The following SPTBN5 variants were observed in gnomAD, a reference collection of about 807,000 sequenced individuals.
SPTBN5 encodes the protein spectrin beta, non-erythrocytic 5.
Under a neutral mutation model 477.6 loss-of-function variants are expected in SPTBN5, and 513 were observed. The ratio of observed to expected loss-of-function variants is 1.07; its 90% CI spans 1.00 to 1.16. SPTBN5 has a LOEUF of 1.16. Among genes scored for constraint, SPTBN5 ranks in the 50% most tolerant of loss-of-function variants. The pLI is 0.00. For synonymous variants in SPTBN5, 2,169 were observed against 2,011.7 expected (o/e 1.08, Z -2.09); for missense variants, 5,062 against 4,731.8 (o/e 1.07, Z -2.05).
chr15:41,877,186 C>A lies in SPTBN5; in HGVS notation c.3641G>T (p.Gly1214Val). The A allele has an allele frequency of 6.2e-7, 1 of 1,614,004 alleles. No individual in the cohort carries two copies. Among genetic ancestry groups the A allele is most frequent in the African/African-American group, 1.3e-5 (1 of 75,056 alleles). Residue 1214 changes from glycine (G) to valine (V), a missense_variant, in exon 18 of 68, where the codon GGC (glycine) becomes GTC (valine). Physicochemically the swap from Gly to Val is moderately radical, Grantham distance 109. Coordinates refer to ENST00000320955, the MANE Select transcript of SPTBN5 (RefSeq NM_016642.4). ...GGCAGTGAAACCATCCACTTCTCGG[C>A]CAAACTTCTGCAGCTCCAGCCCCTC... Reference protein sequence around the residue: ...LQEGLELQKFGREVDGFTATC... With the variant: ...LQEGLELQKFVREVDGFTATC...
At position 41,852,174 on chromosome 15, in the gene SPTBN5, A is replaced by T; in HGVS notation, c.10584+8T>A. The T allele has an allele frequency of 6.3e-7, 1 of 1,581,320 alleles. No homozygotes were observed. The highest frequency in any genetic ancestry group is 8.6e-7 in the Non-Finnish European group (1 of 1,159,488). ...CGGGGGTGCCTGCAGCCCCATAGGG[A>T]CACCTGCCTGGGGGTCCCTCGTCTC... On this transcript the variant is annotated splice_region_variant and intron_variant, in intron 62 of 67. Coordinates refer to ENST00000320955, the MANE Select transcript of SPTBN5 (RefSeq NM_016642.4).
chr15:41,856,309 C>G, intron 53 of SPTBN5, 77 bp downstream of exon 53: 2 of 1,331,852 alleles, frequency 1.5e-6, no homozygotes, highest in Non-Finnish European at 2.0e-6. Context: ...AGGCCAGGAG[C>G]CCCGGAGTGA....
At chr15:41,890,017 C>A in intron 4 of SPTBN5, 72 bp downstream of exon 4, 1 of 943,862 alleles carries the variant, frequency 1.1e-6, no homozygotes, top group Non-Finnish European at 1.7e-6. Context: ...ACTTATGAAT[C>A]CCCAGGGGTC....
At chr15:41,883,558 G>C in intron 7 of SPTBN5, 72 bp from the exon 8 acceptor site, 1 of 1,557,712 alleles carries the variant, frequency 6.4e-7, no homozygotes, top group Non-Finnish European at 8.7e-7. Flanking sequence ...TTCCTGGTCT[G>C]TGGTGGGGCT....
Position 41,880,230 on chromosome 15 carries a change from T to C in SPTBN5, c.2741A>G (p.Lys914Arg), listed in dbSNP as rs1451218968. Residue 914 changes from lysine to arginine, a missense_variant, in exon 14 of 68, where the codon AAG becomes AGG. Transcript: ENST00000320955. ...CACCCTTTGGAGCAGCACTGTCTGC[T>C]TCTCCAGCCACAACTGGAGCTCCCC... is the stretch of plus-strand genomic sequence containing the variant. ...SCGELQLWLE[K>R]QTVLLQRVQP... The C allele has an allele frequency of 6.2e-7, 1 of 1,603,056 alleles. No homozygotes were observed. The highest frequency in any genetic ancestry group is 8.5e-7 in the Non-Finnish European group (1 of 1,175,942).
chr15:41,872,224 T>C, intron 27 of SPTBN5, 78 bp downstream of exon 27: 1 of 1,515,626 alleles, frequency 6.6e-7, no homozygotes, highest in African/African-American at 1.4e-5. Flanking sequence ...CTGATTGACT[T>C]TGGGCCATGG....
At chr15:41,855,871 G>A in intron 53 of SPTBN5, 126 bp from the exon 54 acceptor site, 3 of 1,023,306 alleles carry the variant, frequency 2.9e-6, no homozygotes, top group Non-Finnish European at 4.1e-6. Context: ...CCTCAGCCTG[G>A]CCCCACTCCT....
intron 3 of SPTBN5, among the ~76,000 whole-genome samples, chr15:41,892,044 G>T (rs1250046803): frequency 1.3e-5 from 2 of 152,304 alleles, no homozygotes; most frequent in East Asian, 3.9e-4. Context: ...GCAGCTGGCA[G>T]CGTTCTGCTC....
rs907423435 is a variant in SPTBN5, at chr15:41,879,585, A to G, written c.2943-86T>C. On this transcript the variant is annotated intron_variant, in intron 15 of 67. Coordinates refer to ENST00000320955, the MANE Select transcript of SPTBN5 (RefSeq NM_016642.4). ...CTTGGCCAGAGCCTCACGTGACAGAAGCTGCCAGACTGGCTGTCCCTTGCC... is the reference window on the plus strand; with the variant it reads ...CTTGGCCAGAGCCTCACGTGACAGAGGCTGCCAGACTGGCTGTCCCTTGCC... 9 of 1,530,940 alleles carry G rather than the reference A, an allele frequency of 5.9e-6. No homozygotes were observed. The African/African-American group carries it at 8.2e-5, about 14-fold the overall frequency. The allele number at this position is 1,530,940 out of a possible 1,614,324, so 94.8% of individuals were successfully genotyped here.
rs781108527 is a variant in SPTBN5, at chr15:41,883,236, G to C, written c.1660-8C>G. Reference sequence around the variant, plus strand: ...GGTGGACCTGGCCGGCTCCTGGCCAGAGATGATGGTCATTGCAGTGGTCCC... The same window carrying C: ...GGTGGACCTGGCCGGCTCCTGGCCACAGATGATGGTCATTGCAGTGGTCCC... On this transcript the variant is annotated splice_region_variant and splice_polypyrimidine_tract_variant and intron_variant, in intron 8 of 67. Transcript: ENST00000320955. 2.6e-5 allele frequency: 42 copies of C among 1,608,294 alleles called. No individual in the cohort carries two copies. The highest frequency in any genetic ancestry group is 2.6e-5 in the Non-Finnish European group (31 of 1,177,562).
chr15:41,860,626 C>T lies in SPTBN5; in HGVS notation c.7948G>A (p.Ala2650Thr), dbSNP rs548869517. The change falls in exon 47 of 68, where the codon GCC becomes ACC. Residue 2650 changes from alanine to threonine, a missense_variant. Ala to Thr is a moderately conservative substitution (Grantham distance 58). Coordinates refer to ENST00000320955, the MANE Select transcript of SPTBN5 (RefSeq NM_016642.4). ...RGLHQGGHPE[A>T]QSALGRCQAM... ...TGGCACCTGCCCAGGGCACTCTGGG[C>T]CTCGGGGTGCCCACCCTGGTGCAGG... 5.3e-6 allele frequency: 8 copies of T among 1,523,412 alleles called. No homozygotes were observed. In the East Asian group the frequency reaches 1.0e-4, roughly 19 times the overall value. The allele number at this position is 1,523,412 out of a possible 1,614,324, so 94.4% of individuals were successfully genotyped here. A position where few individuals can be genotyped will look rare whatever the true frequency, so the allele number is the denominator to read the frequency against.
chr15:41,880,911 C>T, intron 13 of SPTBN5, 123 bp downstream of exon 13: 1 of 841,826 alleles, frequency 1.2e-6, no homozygotes, highest in Admixed American at 2.6e-5. Context: ...ATCTTCTCAG[C>T]CATGATAAAA....
intron 56 of SPTBN5, among the ~76,000 whole-genome samples, chr15:41,854,450 G>A (rs1372752960): frequency 2.0e-5 from 3 of 152,116 alleles, no homozygotes; most frequent in Non-Finnish European, 4.4e-5. Context: ...CTCAGGGAAA[G>A]GCAGACGCGA....
chr15:41,861,927 G>A lies in SPTBN5; in HGVS notation c.7549-4C>T. ...CTGTCCAGGAGTCCAGCTCGGCCTG[G>A]AACAGGACTGGGCTCAGATCACTGG... is the stretch of plus-strand genomic sequence containing the variant. On this transcript the variant is annotated splice_polypyrimidine_tract_variant and splice_region_variant and intron_variant, in intron 44 of 67. Coordinates refer to ENST00000320955, the MANE Select transcript of SPTBN5 (RefSeq NM_016642.4). 1 of 1,597,410 alleles carries A rather than the reference G, an allele frequency of 6.3e-7. No individual in the cohort carries two copies. Among genetic ancestry groups the A allele is most frequent in the Non-Finnish European group, 8.5e-7 (1 of 1,175,814 alleles).
chr15:41,892,657 C>T (rs1028833575), intron 3 of SPTBN5: 9 of 490,106 alleles, frequency 1.8e-5, no homozygotes, highest in African/African-American at 1.8e-4. Context: ...ACATTTTCCA[C>T]CCCAGTAGGG....
chr15:41,858,654 T>G lies in SPTBN5; in HGVS notation c.8174A>C (p.Asn2725Thr), dbSNP rs770040758. The G allele has an allele frequency of 6.2e-7, 1 of 1,611,586 alleles. No homozygotes were observed. Among genetic ancestry groups the G allele is most frequent in the Admixed American group, 1.7e-5 (1 of 59,798 alleles). Residue 2725 changes from asparagine (N) to threonine (T), a missense_variant, in exon 49 of 68, where the codon AAT (asparagine) becomes ACT (threonine). Coordinates refer to ENST00000320955, the MANE Select transcript of SPTBN5 (RefSeq NM_016642.4). ...GCTCGCGTCCAGCTCCGCCTGGAAA[T>G]TCTGCTGCTTCTGTAACTGTGCTGG... ...MLPAQLQKQQNFQAELDASMH... is the reference protein window; with the variant it reads ...MLPAQLQKQQTFQAELDASMH...
At position 41,887,563 on chromosome 15, in the gene SPTBN5, G is replaced by A. The variant is rs777310835; in HGVS notation, c.660-122C>T. The A allele has an allele frequency of 2.8e-4, 223 of 806,190 alleles. 1 individual carries two copies. The highest frequency in any genetic ancestry group is 3.8e-4 in the Non-Finnish European group (193 of 502,470). 49.9% of individuals were successfully genotyped at this position (806,190 alleles called of 1,614,324 possible). On this transcript the variant is annotated intron_variant, in intron 5 of 67. Coordinates refer to ENST00000320955, the MANE Select transcript of SPTBN5 (RefSeq NM_016642.4). ...CATCTTCTTGTGAATTCGTTTTCCC[G>A]ACAGTTATCTGAGGCCCTGTTGAAG... is the stretch of plus-strand genomic sequence containing the variant.
rs1351488820 is a variant in SPTBN5 at position 41,866,110 on chromosome 15, C to T, written c.6750G>A (p.Glu2250=). The change falls in exon 38 of 68, where the codon GAG becomes GAA. Residue 2250 remains glutamate, a synonymous_variant. Transcript: ENST00000320955. The part of the protein sequence containing the change: ...LRQAMALRGQ[E]LEDRRNFLEF... The stretch of plus-strand genomic sequence containing the variant: ...CCAGGAAGTTCCGCCTGTCCTCCAG[C>T]TCCTGGCCCCTGAGGGCCATTGCCT... The T allele has an allele frequency of 6.4e-7, 1 of 1,557,730 alleles. No homozygotes were observed. Among genetic ancestry groups the T allele is most frequent in the Admixed American group, 1.9e-5 (1 of 52,102 alleles).
chr15:41,873,514 A>G lies in SPTBN5; in HGVS notation c.4985T>C (p.Leu1662Pro). The G allele has an allele frequency of 6.4e-7, 1 of 1,551,698 alleles. No homozygotes were observed. The stretch of plus-strand genomic sequence containing the variant: ...TACCTGGTGCTTGTTAATGAGCCTG[A>G]GGGTGGCTGCCTCGTCTCTGCCATA... ...RDYGRDEAAT[L>P]RLINKHQALQ... The change falls in exon 26 of 68, where the codon CTC becomes CCC. Residue 1662 changes from leucine to proline, a missense_variant. Coordinates refer to ENST00000320955, the MANE Select transcript of SPTBN5 (RefSeq NM_016642.4).
Sources: allele counts gnomAD v4.1 joint callset (sites outside exome capture counted in the v4.1 genomes callset), GRCh38; gene constraint gnomAD v4.1.1; transcripts MANE v1.5; gene names NCBI Gene and HGNC (gene_info 2026-07-23, HGNC 2026-07-21).